Variants in CAMK1D observed in about 807,000 individuals in gnomAD.
The protein encoded by CAMK1D is calcium/calmodulin dependent protein kinase ID, also known as calcium/calmodulin-dependent protein kinase type 1D.
In CAMK1D, 9 loss-of-function variants were observed where a neutral mutation model predicts 47.7. The ratio of observed to expected loss-of-function variants is 0.19; its 90% CI spans 0.11 to 0.33. The LOEUF (loss-of-function observed/expected upper bound fraction) is 0.33. Among genes scored for constraint, CAMK1D ranks in the 10% least tolerant of loss-of-function variants. CAMK1D has a pLI of 1.00. For synonymous variants in CAMK1D, 184 were observed against 184.9 expected (o/e 0.99, Z 0.04); for missense variants, 291 against 488.7 (o/e 0.60, Z 3.81).
chr10:12,690,979 C>T lies in CAMK1D; in HGVS notation c.299+24169C>T, dbSNP rs368732144. Among the ~76,000 whole-genome samples, 4 of 152,154 alleles carry T rather than the reference C, an allele frequency of 2.6e-5. No homozygotes were observed. In the East Asian group the frequency reaches 7.7e-4, roughly 29 times the overall value. Reference sequence around the variant, plus strand: ...TCTGTCATTTTAGCCACAGGGAGCCCTTTCTCTCTGTTGACTGGGGGCGTC... The same window carrying T: ...TCTGTCATTTTAGCCACAGGGAGCCTTTTCTCTCTGTTGACTGGGGGCGTC... On this transcript the variant is annotated intron_variant, in intron 3 of 10. Coordinates refer to ENST00000619168, the MANE Select transcript of CAMK1D (RefSeq NM_153498.4).
intron 1 of CAMK1D, among the ~76,000 whole-genome samples, chr10:12,499,444 A>G (rs1348109761): frequency 1.3e-5 from 2 of 152,194 alleles, no homozygotes; most frequent in South Asian, 4.1e-4. Context: ...AATCAAATGA[A>G]AAAAGAAAGA....
chr10:12,779,611 T>G (rs1424918469), intron 5 of CAMK1D, among the ~76,000 whole-genome samples: 2 of 152,138 alleles, frequency 1.3e-5, no homozygotes, highest in African/African-American at 4.8e-5. Flanking sequence ...TGAATTTTTT[T>G]GTAGAGACAG....
chr10:12,620,676 T>A (rs893262225), intron 2 of CAMK1D, among the ~76,000 whole-genome samples: 7 of 152,248 alleles, frequency 4.6e-5, no homozygotes, highest in Non-Finnish European at 1.5e-5. Context: ...ATTCGTCCCC[T>A]GTGGGGTATG....
chr10:12,620,311 G>A (rs990791756), intron 2 of CAMK1D, among the ~76,000 whole-genome samples: 1 of 151,726 alleles, frequency 6.6e-6, no homozygotes, highest in Non-Finnish European at 1.5e-5. Flanking sequence ...TTGCTAGGTT[G>A]CATGGTGGTT....
At chr10:12,766,982 A>T (rs1267997514) in intron 4 of CAMK1D, among the ~76,000 whole-genome samples, 1 of 152,138 alleles carries the variant, frequency 6.6e-6, no homozygotes. Flanking sequence ...ACACATCAGA[A>T]TGCTGCTTGT....
At chr10:12,437,583 C>G (rs1162638743) in intron 1 of CAMK1D, among the ~76,000 whole-genome samples, 2 of 152,208 alleles carry the variant, frequency 1.3e-5, no homozygotes, top group Non-Finnish European at 2.9e-5. Context: ...GCCCTACACA[C>G]ATGCACAGGC....
intron 6 of CAMK1D, among the ~76,000 whole-genome samples, chr10:12,801,677 ATCT>A (rs1838490147): frequency 6.6e-6 from 1 of 152,010 alleles, no homozygotes; most frequent in South Asian, 2.1e-4. Flanking sequence ...ATCTATATCT[ATCT>A]TCATTATCAT....
chr10:12,656,869 AC>A (rs1840131837), intron 2 of CAMK1D, among the ~76,000 whole-genome samples: 1 of 152,220 alleles, frequency 6.6e-6, no homozygotes, highest in South Asian at 2.1e-4. Flanking sequence ...TTACATAAAC[AC>A]ATATATATAC....
intron 6 of CAMK1D, among the ~76,000 whole-genome samples, chr10:12,809,318 G>A (rs1351825560): frequency 1.8e-4 from 27 of 152,168 alleles, no homozygotes; most frequent in Admixed American, 1.8e-3. Context: ...GGGAGGATGT[G>A]TGGGTGTAGA....
intron 2 of CAMK1D, among the ~76,000 whole-genome samples, chr10:12,626,033 A>G (rs972034005): frequency 3.3e-5 from 5 of 152,196 alleles, no homozygotes; most frequent in African/African-American, 1.2e-4. Context: ...GTCAAAAGTT[A>G]TATCTACTGC....
rs186022382 is a variant in CAMK1D at position 12,586,643 on chromosome 10, C to T, written c.224+33287C>T. ...GCCTTGAGAGTAAGTTGCTGTGTCC[C>T]GAGCTGCAGAGAACCGCCACCCTCC... is the stretch of plus-strand genomic sequence containing the variant. On this transcript the variant is annotated intron_variant, in intron 2 of 10. Coordinates refer to ENST00000619168, the MANE Select transcript of CAMK1D (RefSeq NM_153498.4). Among the ~76,000 whole-genome samples, 682 of 152,098 alleles carry T rather than the reference C, an allele frequency of 4.5e-3. 8 individuals are homozygous for T. The highest frequency in any genetic ancestry group is 0.015 in the African/African-American group (636 of 41,494).
intron 5 of CAMK1D, among the ~76,000 whole-genome samples, chr10:12,788,312 C>T (rs1837823656): frequency 6.6e-6 from 1 of 152,204 alleles, no homozygotes; most frequent in Admixed American, 6.5e-5. Flanking sequence ...GGAGGTTGTG[C>T]CCTGAAGTTT....
At chr10:12,469,085 T>C (rs1320517064) in intron 1 of CAMK1D, among the ~76,000 whole-genome samples, 1 of 151,668 alleles carries the variant, frequency 6.6e-6, no homozygotes, top group Non-Finnish European at 1.5e-5. Flanking sequence ...GACCTGTAGC[T>C]CCCCGGATAA....
chr10:12,808,541 G>A lies in CAMK1D; in HGVS notation c.642-5654G>A, dbSNP rs564842651. On this transcript the variant is annotated intron_variant, in intron 6 of 10. Transcript: ENST00000619168. ...GTGGCTCACAGCAGCACTTTGGGAGGCCGAGCTGGGTGGGTCACCTGAGGT... is the reference window on the plus strand; with the variant it reads ...GTGGCTCACAGCAGCACTTTGGGAGACCGAGCTGGGTGGGTCACCTGAGGT... Among the ~76,000 whole-genome samples, 7 of 152,272 alleles carry A rather than the reference G, an allele frequency of 4.6e-5. No homozygotes were observed. The East Asian group carries it at 1.4e-3, about 29-fold the overall frequency.
rs138215580 is a variant in CAMK1D at position 12,736,636 on chromosome 10, G to A, written c.300-24312G>A. 3.2e-3 allele frequency among the ~76,000 whole-genome samples: 495 copies of A among 152,322 alleles called. 5 individuals carry two copies. The highest frequency in any genetic ancestry group is 0.011 in the African/African-American group (462 of 41,562). On this transcript the variant is annotated intron_variant, in intron 3 of 10. Transcript: ENST00000619168. ...ATCTAGTTCATATGCTTAGGTAGAA[G>A]TGCCTGCTGTATGCATTTACTGGGA... is the stretch of plus-strand genomic sequence containing the variant.
At chr10:12,660,443 G>A (rs1430525113) in intron 2 of CAMK1D, among the ~76,000 whole-genome samples, 1 of 152,178 alleles carries the variant, frequency 6.6e-6, no homozygotes, top group African/African-American at 2.4e-5. Flanking sequence ...GCTTTGTAAC[G>A]GGGCCTGTTT....
intron 1 of CAMK1D, among the ~76,000 whole-genome samples, chr10:12,423,345 C>A (rs182474927): frequency 6.6e-6 from 1 of 152,206 alleles, no homozygotes; most frequent in East Asian, 1.9e-4. Flanking sequence ...GAGACCCCAT[C>A]TCTACAAAAA....
chr10:12,834,727 T>G lies in CAMK1D; in HGVS notation c.*5840T>G, dbSNP rs1033079347. 1 of 152,160 alleles carries G rather than the reference T, an allele frequency of 6.6e-6. No homozygotes were observed. The highest frequency in any genetic ancestry group is 3.2e-3 in the Middle Eastern group (1 of 316). The allele number at this position is 152,160 out of a possible 1,614,324, so 9.4% of individuals were successfully genotyped here. On this transcript the variant is annotated 3_prime_UTR_variant, in exon 11 of 11. Transcript: ENST00000619168. Reference sequence around the variant, plus strand: ...GAAAATGAGGAGGAGTTGGTTTTACTCTTAGAGATAAGACTTCAGCAGGGG... The same window carrying G: ...GAAAATGAGGAGGAGTTGGTTTTACGCTTAGAGATAAGACTTCAGCAGGGG...
At chr10:12,381,194 G>A (rs1014311881) in intron 1 of CAMK1D, among the ~76,000 whole-genome samples, 2 of 152,298 alleles carry the variant, frequency 1.3e-5, no homozygotes, top group South Asian at 2.1e-4. Flanking sequence ...AGCGGGCCCC[G>A]CCCCTTATAA....
Sources: allele counts gnomAD v4.1 joint callset (sites outside exome capture counted in the v4.1 genomes callset), GRCh38; gene constraint gnomAD v4.1.1; transcripts MANE v1.5; gene names NCBI Gene and HGNC (gene_info 2026-07-23, HGNC 2026-07-21).